The following KANK1 variants were observed in gnomAD, a reference collection of about 807,000 sequenced individuals.
The protein encoded by KANK1 is KN motif and ankyrin repeat domain-containing protein 1.
KANK1 carries 109 observed loss-of-function variants against 106.2 expected under a neutral mutation model. The ratio of observed to expected loss-of-function variants is 1.03; its 90% CI spans 0.88 to 1.20. The LOEUF is 1.20. Ranked by LOEUF, KANK1 falls within the 50% of genes most tolerant of loss-of-function variation. The pLI is 0.00. For synonymous variants in KANK1, 873 were observed against 652.2 expected (o/e 1.34, Z -5.16); for missense variants, 2,399 against 1,710.7 (o/e 1.40, Z -7.10).
At chr9:500,586 C>G (rs1004642653), upstream of KANK1, among the ~76,000 whole-genome samples, 2 of 152,074 alleles carry the variant, frequency 1.3e-5, no homozygotes, top group Non-Finnish European at 2.9e-5. Flanking sequence ...TTTGTTTGCT[C>G]CAAATTGGAA....
intron 1 of KANK1, among the ~76,000 whole-genome samples, chr9:509,921 C>T (rs1368739813): frequency 6.6e-6 from 1 of 152,220 alleles, no homozygotes; most frequent in East Asian, 1.9e-4. Context: ...CTCAGCCTGC[C>T]TCCCGAGTAG....
intron 1 of KANK1, among the ~76,000 whole-genome samples, chr9:619,384 G>T (rs1832616643): frequency 1.3e-5 from 2 of 152,186 alleles, no homozygotes; most frequent in Admixed American, 1.3e-4. Flanking sequence ...ACAGGCTGAT[G>T]TGAGAGCACC....
chr9:720,339 A>G (rs1296833944), intron 3 of KANK1, among the ~76,000 whole-genome samples: 1 of 152,084 alleles, frequency 6.6e-6, no homozygotes, highest in African/African-American at 2.4e-5. Context: ...ATTACTCCAC[A>G]TGTTGCTGTC....
intron 1 of KANK1, among the ~76,000 whole-genome samples, chr9:648,797 C>T (rs1840276908): frequency 6.6e-6 from 1 of 152,124 alleles, no homozygotes; most frequent in African/African-American, 2.4e-5. Context: ...AATTATAAAG[C>T]TGCGGACATG....
intron 2 of KANK1, among the ~76,000 whole-genome samples, chr9:690,665 C>T (rs1174281991): frequency 1.3e-5 from 2 of 152,178 alleles, no homozygotes; most frequent in African/African-American, 4.8e-5. Context: ...TAATTCAGGC[C>T]ACCACTCACT....
intron 3 of KANK1, among the ~76,000 whole-genome samples, chr9:720,556 A>G (rs758309442): frequency 1.3e-5 from 2 of 152,272 alleles, no homozygotes; most frequent in African/African-American, 2.4e-5. Context: ...GGGTCTCACT[A>G]TGTTGCTCAG....
rs192968015 is a variant in KANK1, at chr9:555,149, T to C, written c.-84+50395T>C. 1.1e-4 allele frequency among the ~76,000 whole-genome samples: 16 copies of C among 152,052 alleles called. No individual in the cohort carries two copies. In the South Asian group the frequency reaches 1.7e-3, roughly 16 times the overall value. On this transcript the variant is annotated intron_variant, in intron 1 of 11. Transcript: ENST00000382297. ...AGACAGTAGAACCCCTGGATAGTAA[T>C]AAGTGCTCGTGAAATGAGCTGGCCA... is the stretch of plus-strand genomic sequence containing the variant.
chr9:640,748 G>A (rs1418111352), intron 1 of KANK1, among the ~76,000 whole-genome samples: 3 of 148,102 alleles, frequency 2.0e-5, no homozygotes, highest in Non-Finnish European at 1.5e-5. Flanking sequence ...CCAGGCTGCA[G>A]TACAGTGGTG....
chr9:687,014 C>A, intron 2 of KANK1: 1 of 754,330 alleles, frequency 1.3e-6, no homozygotes, highest in African/African-American at 2.2e-5. Flanking sequence ...TTTGCAGATA[C>A]TGCTGAATTT....
intron 3 of KANK1, among the ~76,000 whole-genome samples, chr9:493,813 C>T (rs560035253): frequency 1.3e-5 from 2 of 152,010 alleles, no homozygotes; most frequent in East Asian, 3.9e-4. Context: ...TCCCAAAATG[C>T]TGGGATTACA....
At chr9:501,875 G>C (rs117353481), upstream of KANK1, among the ~76,000 whole-genome samples, 86 of 152,198 alleles carry the variant, frequency 5.7e-4, 2 homozygotes, top group East Asian at 0.015. Flanking sequence ...AAATCCAAGG[G>C]CTTCTATGCT....
intron 8 of KANK1, among the ~76,000 whole-genome samples, chr9:740,002 G>A (rs1834970561): frequency 6.6e-6 from 1 of 152,054 alleles, no homozygotes; most frequent in African/African-American, 2.4e-5. Context: ...TAAGGTAAAT[G>A]TTCATGGTAC....
chr9:543,162 G>A (rs2133885361), intron 1 of KANK1, among the ~76,000 whole-genome samples: 1 of 152,176 alleles, frequency 6.6e-6, no homozygotes, highest in South Asian at 2.1e-4. Flanking sequence ...CTTAATAAAA[G>A]TGGGAGGAAA....
intron 1 of KANK1, among the ~76,000 whole-genome samples, chr9:602,022 A>C (rs1474390340): frequency 6.6e-6 from 1 of 151,894 alleles, no homozygotes; most frequent in African/African-American, 2.4e-5. Flanking sequence ...TAACACTTCT[A>C]GGTAGTCAGT....
chr9:563,144 A>G (rs372433600), intron 1 of KANK1, among the ~76,000 whole-genome samples: 7 of 151,818 alleles, frequency 4.6e-5, no homozygotes, highest in South Asian at 2.1e-4. Flanking sequence ...CTGTAGCTCT[A>G]TTGTGTAAAA....
At chr9:515,944 C>A (rs779626544) in intron 1 of KANK1, among the ~76,000 whole-genome samples, 1 of 151,742 alleles carries the variant, frequency 6.6e-6, no homozygotes, top group Non-Finnish European at 1.5e-5. Context: ...CTTCCTTTAG[C>A]TTTTATTCTG....
intron 2 of KANK1, among the ~76,000 whole-genome samples, chr9:472,459 A>G (rs920931458): frequency 6.8e-6 from 1 of 147,744 alleles, no homozygotes; most frequent in African/African-American, 2.7e-5. Flanking sequence ...TTGCTGACCC[A>G]GTTGCTGCAA....
chr9:519,615 C>G (rs1008730013), intron 1 of KANK1, among the ~76,000 whole-genome samples: 1 of 151,694 alleles, frequency 6.6e-6, no homozygotes. Flanking sequence ...GGAATGATTT[C>G]GACCTCTCAT....
chr9:649,007 G>A (rs573496565), intron 1 of KANK1, among the ~76,000 whole-genome samples: 129 of 152,136 alleles, frequency 8.5e-4, no homozygotes, highest in Non-Finnish European at 1.6e-3. Context: ...ACTAAGTGGC[G>A]ATGACACTGA....
Sources: gnomAD v4.1 joint callset for allele counts (sites outside exome capture counted in the v4.1 genomes callset) on GRCh38, gnomAD v4.1.1 for gene constraint, MANE v1.5 for transcripts, NCBI Gene and HGNC (gene_info 2026-07-23, HGNC 2026-07-21) for gene names.